The following ADGRL2 variants were observed in gnomAD, a reference collection of about 807,000 sequenced individuals.
ADGRL2 encodes calcium-independent alpha-latrotoxin receptor 2.
A neutral mutation model predicts 157.4 loss-of-function variants in ADGRL2; 44 were observed. The ratio of observed to expected loss-of-function variants is 0.28; its 90% CI spans 0.22 to 0.36. ADGRL2 has a LOEUF of 0.36. ADGRL2 is among the 10% of genes least tolerant of loss of function. The pLI is 1.00. For synonymous variants in ADGRL2, 585 were observed against 624.7 expected (o/e 0.94, Z 0.95); for missense variants, 1,510 against 1,768.9 (o/e 0.85, Z 2.63).
In ADGRL2 at chr1:81,503,293, A is replaced by G; in HGVS notation, c.-248+58204A>G. On this transcript the variant is annotated intron_variant, in intron 2 of 24. Coordinates refer to the ADGRL2 transcript ENST00000370721. The stretch of plus-strand genomic sequence containing the variant: ...TAACATGTCTGTGGACATCGATGGC[A>G]CCACCTACGCAGGTGTGCTGTTTGC... The G allele has an allele frequency of 1.9e-6, 3 of 1,614,188 alleles. No homozygotes were observed. In the South Asian group the frequency reaches 3.3e-5, roughly 18 times the overall value.
At chr1:81,608,245 C>T (rs1169296922) in intron 3 of ADGRL2, among the ~76,000 whole-genome samples, 1 of 152,116 alleles carries the variant, frequency 6.6e-6, no homozygotes, top group African/African-American at 2.4e-5. Context: ...AAGGGTGGGT[C>T]AGAGGGTAGA....
At chr1:81,750,485 G>A (rs112749509) in intron 1 of ADGRL2, among the ~76,000 whole-genome samples, 4 of 152,314 alleles carry the variant, frequency 2.6e-5, no homozygotes, top group Admixed American at 6.5e-5. Context: ...TTGGGAGGCC[G>A]ATGGGGCTGG....
At chr1:81,917,184 C>A (rs1288744820) in intron 3 of ADGRL2, among the ~76,000 whole-genome samples, 1 of 151,848 alleles carries the variant, frequency 6.6e-6, no homozygotes, top group Non-Finnish European at 1.5e-5. Context: ...TATTATGGCC[C>A]TATTAATTTT....
intron 1 of ADGRL2, among the ~76,000 whole-genome samples, chr1:81,400,848 A>G (rs1198305484): frequency 6.6e-6 from 1 of 152,044 alleles, no homozygotes; most frequent in Non-Finnish European, 1.5e-5. Context: ...TACTAGAGTT[A>G]TTTGGCCTTT....
chr1:81,938,169 C>T (rs192419332), intron 4 of ADGRL2, among the ~76,000 whole-genome samples: 39 of 151,788 alleles, frequency 2.6e-4, no homozygotes, highest in South Asian at 1.0e-3. Context: ...TGGTGGCTTA[C>T]GTAATCATTC....
intron 1 of ADGRL2, among the ~76,000 whole-genome samples, chr1:81,393,991 C>T (rs1336160645): frequency 1.3e-5 from 2 of 151,914 alleles, no homozygotes; most frequent in Non-Finnish European, 2.9e-5. Context: ...AAATATAAAA[C>T]ATTTTCACTT....
intron 3 of ADGRL2, among the ~76,000 whole-genome samples, chr1:81,676,247 G>T (rs544652904): frequency 6.6e-6 from 1 of 152,196 alleles, no homozygotes; most frequent in East Asian, 1.9e-4. Flanking sequence ...CTGACCTCAT[G>T]ATCTGCCCGC....
intron 3 of ADGRL2, among the ~76,000 whole-genome samples, chr1:81,661,550 G>A (rs1408699952): frequency 2.6e-5 from 4 of 152,150 alleles, no homozygotes; most frequent in African/African-American, 7.2e-5. Flanking sequence ...TCTAGGGCTA[G>A]GTAATCAACT....
chr1:81,439,032 C>T (rs1379536771), intron 1 of ADGRL2, among the ~76,000 whole-genome samples: 1 of 152,116 alleles, frequency 6.6e-6, no homozygotes, highest in Non-Finnish European at 1.5e-5. Flanking sequence ...TAGAAACTCC[C>T]TTTACCTGCC....
At chr1:81,956,623 A>G (rs1653589103) in intron 11 of ADGRL2, among the ~76,000 whole-genome samples, 1 of 152,186 alleles carries the variant, frequency 6.6e-6, no homozygotes, top group Admixed American at 6.5e-5. Context: ...AAATGCTACC[A>G]CTGAGAGGTA....
At chr1:81,392,313 C>T (rs932590063) in intron 1 of ADGRL2, among the ~76,000 whole-genome samples, 4 of 151,434 alleles carry the variant, frequency 2.6e-5, no homozygotes, top group East Asian at 1.9e-4. Flanking sequence ...AAGTTTATTT[C>T]GGGAGGAAGG....
chr1:81,759,911 C>T (rs1212870935), intron 1 of ADGRL2, among the ~76,000 whole-genome samples: 1 of 151,990 alleles, frequency 6.6e-6, no homozygotes, highest in African/African-American at 2.4e-5. Flanking sequence ...TGAGAATTGA[C>T]ATTTGAACAC....
intron 3 of ADGRL2, among the ~76,000 whole-genome samples, chr1:81,640,970 T>C (rs2082208418): frequency 6.6e-6 from 1 of 152,220 alleles, no homozygotes; most frequent in Admixed American, 6.5e-5. Context: ...TGTCTTCCTG[T>C]TCCTGCCCTA....
chr1:81,409,712 G>A (rs764914627), intron 1 of ADGRL2, among the ~76,000 whole-genome samples: 8 of 152,150 alleles, frequency 5.3e-5, no homozygotes, highest in Non-Finnish European at 1.2e-4. Flanking sequence ...AATCACAAAT[G>A]GACACCCTCC....
chr1:81,574,420 C>G (rs535750692), intron 2 of ADGRL2, among the ~76,000 whole-genome samples: 11 of 152,226 alleles, frequency 7.2e-5, no homozygotes, highest in African/African-American at 2.6e-4. Context: ...TATAATTGGG[C>G]ATCATGGATT....
intron 2 of ADGRL2, among the ~76,000 whole-genome samples, chr1:81,560,491 T>C (rs895435766): frequency 6.6e-6 from 1 of 152,172 alleles, no homozygotes; most frequent in South Asian, 2.1e-4. Context: ...CAGCGTCCAA[T>C]AGGCAACAGC....
At chr1:81,481,561 G>T (rs1338547042) in intron 2 of ADGRL2, among the ~76,000 whole-genome samples, 1 of 152,156 alleles carries the variant, frequency 6.6e-6, no homozygotes, top group Non-Finnish European at 1.5e-5. Flanking sequence ...TTTGGGGGAA[G>T]ACCAAAAGTC....
chr1:81,989,836 T>C, intron 23 of ADGRL2: 3 of 1,392,964 alleles, frequency 2.2e-6, no homozygotes, highest in Non-Finnish European at 2.8e-6. Context: ...GTTTTCATTC[T>C]TTTTTTTACT....
chr1:81,397,057 T>C (rs2076667523), intron 1 of ADGRL2, among the ~76,000 whole-genome samples: 1 of 152,182 alleles, frequency 6.6e-6, no homozygotes, highest in South Asian at 2.1e-4. Flanking sequence ...TTGGTATTCA[T>C]TCTCCTTTAA....
Sources: gnomAD v4.1 joint callset for allele counts (sites outside exome capture counted in the v4.1 genomes callset) on GRCh38, gnomAD v4.1.1 for gene constraint, MANE v1.5 for transcripts, NCBI Gene and HGNC (gene_info 2026-07-23, HGNC 2026-07-21) for gene names.